The following TNFRSF11A variants were observed in gnomAD, a reference collection of about 807,000 sequenced individuals.
TNFRSF11A encodes the protein TNF receptor superfamily member 11a.
In TNFRSF11A, 32 loss-of-function variants were observed where a neutral mutation model predicts 55.7. The ratio of observed to expected loss-of-function variants is 0.57; its 90% confidence interval spans 0.43 to 0.77. TNFRSF11A has a LOEUF of 0.77. Ranked by LOEUF, TNFRSF11A falls within the 30% of genes least tolerant of loss-of-function variation. The pLI is 0.00. For synonymous variants in TNFRSF11A, 311 were observed against 331.0 expected, an observed-to-expected ratio of 0.94 and a Z score of 0.65; for missense variants, 753 against 809.8, an observed-to-expected ratio of 0.93 and a Z score of 0.85.
intron 2 of TNFRSF11A, 46 bp from the exon 3 acceptor site, chr18:62,349,766 T>G (rs762836168): frequency 1.9e-6 from 3 of 1,611,502 alleles, no homozygotes; most frequent in Non-Finnish European, 2.5e-6. Flanking sequence ...TTGCTGTTTT[T>G]GTTTGGTTTT....
chr18:62,380,239 A>G (rs1039299050), intron 9 of TNFRSF11A, among the ~76,000 whole-genome samples: 31 of 152,214 alleles, frequency 2.0e-4, no homozygotes, highest in African/African-American at 7.5e-4. Context: ...GCACATCAGT[A>G]TAACTTTTTT....
Position 62,325,380 on chromosome 18 carries a change from C to T in TNFRSF11A, c.28C>T (p.Pro10Ser). Residue 10 changes from proline to serine, a missense_variant, in exon 1 of 10, where the codon CCG (proline) becomes TCG (serine). Pro to Ser is a moderately conservative substitution (Grantham distance 74, BLOSUM62 -1). This residue lies in a region of TNFRSF11A where 156 missense variants were observed against 155.1 expected (regional missense o/e 1.01). Coordinates refer to ENST00000586569, the MANE Select transcript of TNFRSF11A (RefSeq NM_003839.4). This position sits in a 1 kb window ranked among gnomAD's most constrained non-coding sequence, Gnocchi z 4.7. ...GGCCCCGCGCGCCCGGCGGCGCCGC[C>T]CGCTGTTCGCGCTGCTGCTGCTCTG... MAPRARRRR[P>S]LFALLLLCAL... The T allele has an allele frequency of 9.2e-7, 1 of 1,084,474 alleles. No individual in the cohort carries two copies. The highest frequency in any genetic ancestry group is 1.1e-6 in the Non-Finnish European group (1 of 895,952). 67.2% of individuals were successfully genotyped at this position (1,084,474 alleles called of 1,614,324 possible).
rs375650076 is a variant in TNFRSF11A, at chr18:62,368,888, C to G, written c.971C>G (p.Ala324Gly). Residue 324 changes from alanine (A) to glycine (G), a missense_variant, in exon 9 of 10, where the codon GCC becomes GGC. Physicochemically the swap from Ala to Gly is moderately conservative, Grantham distance 60. Around this residue, in one of 3 missense-constraint regions of TNFRSF11A, gnomAD observed 567 missense variants for 596.7 expected, o/e 0.95. Coordinates refer to ENST00000586569, the MANE Select transcript of TNFRSF11A (RefSeq NM_003839.4). ...GGGPYAQGEDARMLSLVSKTE... is the reference protein window; with the variant it reads ...GGGPYAQGEDGRMLSLVSKTE... ...GGTCCCTACGCACAAGGCGAAGATG[C>G]CAGGATGCTCTCATTGGTCAGCAAG... is the stretch of plus-strand genomic sequence containing the variant. 1 of 1,614,102 alleles carries G rather than the reference C, an allele frequency of 6.2e-7. No individual in the cohort carries two copies. Among genetic ancestry groups the G allele is most frequent in the African/African-American group, 1.3e-5 (1 of 74,922 alleles).
intron 4 of TNFRSF11A, among the ~76,000 whole-genome samples, chr18:62,355,390 G>A (rs1351453153): frequency 6.6e-6 from 1 of 152,094 alleles, no homozygotes; most frequent in Admixed American, 6.5e-5. Flanking sequence ...CGATTCTCCT[G>A]CCTCAGCCTC....
intron 1 of TNFRSF11A, among the ~76,000 whole-genome samples, chr18:62,344,906 G>A (rs990779065): frequency 6.6e-6 from 1 of 152,226 alleles, no homozygotes; most frequent in Admixed American, 6.5e-5. Flanking sequence ...TAAGGAAACA[G>A]ATCCAGGGCA....
At chr18:62,360,812 G>T (rs1278167453) in intron 6 of TNFRSF11A, among the ~76,000 whole-genome samples, 1 of 152,154 alleles carries the variant, frequency 6.6e-6, no homozygotes, top group Non-Finnish European at 1.5e-5. Context: ...CTGGTTACTT[G>T]GTGAGCAGGA....
Position 62,369,474 on chromosome 18 carries a change from C to T in TNFRSF11A, c.1557C>T (p.Ser519=). The change falls in exon 9 of 10, where the codon TCC becomes TCT. Residue 519 remains serine, a synonymous_variant. Coordinates refer to ENST00000586569, the MANE Select transcript of TNFRSF11A (RefSeq NM_003839.4). ...CTGGAAGCTCCCCTGGTGGCCAGTC[C>T]CCTGCATCTGGTAAGTGACTTCCCA... The part of the protein sequence containing the change: ...AGSGSSPGGQ[S]PASGNVTGNS... The T allele has an allele frequency of 6.2e-7, 1 of 1,606,776 alleles. No homozygotes were observed. The highest frequency in any genetic ancestry group is 8.5e-7 in the Non-Finnish European group (1 of 1,180,004).
At chr18:62,354,673 G>T in intron 4 of TNFRSF11A, 139 bp downstream of exon 4, 5 of 1,310,530 alleles carry the variant, frequency 3.8e-6, no homozygotes, top group Non-Finnish European at 5.2e-6. Flanking sequence ...GGAAAGGTGG[G>T]GGCTGATTTT....
At chr18:62,339,197 C>T (rs1029398444) in intron 1 of TNFRSF11A, among the ~76,000 whole-genome samples, 1 of 152,162 alleles carries the variant, frequency 6.6e-6, no homozygotes, top group African/African-American at 2.4e-5. Context: ...CTGGAAGCCC[C>T]GAAGCAGCCC....
intron 1 of TNFRSF11A, among the ~76,000 whole-genome samples, chr18:62,340,999 A>G (rs937711215): frequency 2.6e-5 from 4 of 152,256 alleles, no homozygotes; most frequent in Non-Finnish European, 5.9e-5. Flanking sequence ...AACATGCCTG[A>G]TATTTTCTCT....
chr18:62,388,560 G>C lies in TNFRSF11A; in HGVS notation c.*3526G>C, dbSNP rs1198234288. 1 of 152,208 alleles carries C rather than the reference G, an allele frequency of 6.6e-6. No individual in the cohort carries two copies. The highest frequency in any genetic ancestry group is 2.4e-5 in the African/African-American group (1 of 41,432). The allele number at this position is 152,208 out of a possible 1,614,324, so 9.4% of individuals were successfully genotyped here. On this transcript the variant is annotated 3_prime_UTR_variant, in exon 10 of 10. Transcript: ENST00000586569. ...GGAGTAAAATGCTGCAGAGAAGAGT[G>C]CATTCTGGGAAAAAAAGAGGAACAT...
At chr18:62,355,402 T>C (rs1463724196) in intron 4 of TNFRSF11A, among the ~76,000 whole-genome samples, 1 of 152,100 alleles carries the variant, frequency 6.6e-6, no homozygotes, top group African/African-American at 2.4e-5. Flanking sequence ...CTCAGCCTCT[T>C]GAATAACTGG....
intron 1 of TNFRSF11A, among the ~76,000 whole-genome samples, chr18:62,339,892 C>A (rs189031561): frequency 1.3e-5 from 2 of 152,084 alleles, no homozygotes; most frequent in African/African-American, 2.4e-5. Context: ...AGGACTGATT[C>A]GTTATTTGTA....
intron 1 of TNFRSF11A, chr18:62,336,261 G>T (rs1403603523): frequency 6.6e-6 from 1 of 152,216 alleles, no homozygotes; most frequent in East Asian, 1.9e-4. Flanking sequence ...TGTAGTCTCA[G>T]GCTCTGTTCC....
chr18:62,360,528 C>T (rs1355658037), intron 6 of TNFRSF11A, among the ~76,000 whole-genome samples: 1 of 151,728 alleles, frequency 6.6e-6, no homozygotes, highest in Non-Finnish European at 1.5e-5. Flanking sequence ...CTCACTGCAA[C>T]CTCCAACTCC....
intron 4 of TNFRSF11A, chr18:62,357,882 C>T (rs1275221728): frequency 1.0e-5 from 3 of 297,072 alleles, no homozygotes; most frequent in African/African-American, 4.3e-5. Flanking sequence ...CAGTCAACAT[C>T]GGCTCCCAGA....
Position 62,390,723 on chromosome 18 carries a change from T to C in TNFRSF11A, c.*5689T>C, listed in dbSNP as rs1911961947. On this transcript the variant is annotated 3_prime_UTR_variant, in exon 10 of 10. Coordinates refer to ENST00000586569, the MANE Select transcript of TNFRSF11A (RefSeq NM_003839.4). ...TCTTACCCTAAAATGAAGAAGCAAA[T>C]CCATTTTTATTGGCTTTTATAGCCT... 1 of 152,122 alleles carries C rather than the reference T, an allele frequency of 6.6e-6. No individual in the cohort carries two copies. The highest frequency in any genetic ancestry group is 2.1e-4 in the South Asian group (1 of 4,830). The allele number at this position is 152,122 out of a possible 1,614,324, so 9.4% of individuals were successfully genotyped here. A position where few individuals can be genotyped will look rare whatever the true frequency, so the allele number is the denominator to read the frequency against.
At chr18:62,348,820 C>T (rs894911690) in intron 2 of TNFRSF11A, among the ~76,000 whole-genome samples, 52 of 152,154 alleles carry the variant, frequency 3.4e-4, no homozygotes, top group African/African-American at 1.2e-3. Context: ...TCTCATCATT[C>T]TGGGGAGGGG....
At chr18:62,354,317 T>G in intron 3 of TNFRSF11A, 74 bp from the exon 4 acceptor site, 2 of 1,464,516 alleles carry the variant, frequency 1.4e-6, no homozygotes, top group South Asian at 2.7e-5. Flanking sequence ...GGATGTTGGA[T>G]AGCGCAGTCG....
Sources: gnomAD v4.1 joint callset for allele counts (sites outside exome capture counted in the v4.1 genomes callset) on GRCh38, gnomAD v4.1.1 for gene constraint, gnomAD v4.1.1 regional missense constraint, Gnocchi (gnomAD v3.1) non-coding constraint, MANE v1.5 for transcripts, NCBI Gene and HGNC (gene_info 2026-07-23, HGNC 2026-07-21) for gene names.